The following CRPPA variants were observed in gnomAD, a reference collection of about 807,000 sequenced individuals.
CRPPA encodes the protein CDP-L-ribitol pyrophosphorylase A, also known as D-ribitol-5-phosphate cytidylyltransferase.
Under a neutral mutation model 52.0 loss-of-function variants are expected in CRPPA, and 43 were observed. That is an observed-to-expected ratio of 0.83 (90% CI 0.65 to 1.07). The LOEUF (loss-of-function observed/expected upper bound fraction) is 1.07. CRPPA is among the 50% of genes least tolerant of loss of function. The pLI, the probability that CRPPA is intolerant of heterozygous loss-of-function variation, is 0.00. For synonymous variants in CRPPA, 250 were observed against 203.5 expected (o/e 1.23, Z -1.94); for missense variants, 629 against 551.7 (o/e 1.14, Z -1.40).
In CRPPA at chr7:16,258,919, C is replaced by G; in HGVS notation, c.1026+1G>C. ...GCCTTCAATCATTTGAATTGACTTA[C>G]ATTCACACAAACAAAATTGTAGCAT... On this transcript the variant is annotated splice_donor_variant, in intron 7 of 9. Transcript: ENST00000407010. LOFTEE classifies it high-confidence loss of function. 2 of 1,600,956 alleles carry G rather than the reference C, an allele frequency of 1.2e-6. No homozygotes were observed. The highest frequency in any genetic ancestry group is 1.7e-6 in the Non-Finnish European group (2 of 1,171,080).
intron 1 of CRPPA, among the ~76,000 whole-genome samples, chr7:16,417,562 TCTC>T (rs1429601621): frequency 2.6e-5 from 4 of 152,058 alleles, no homozygotes; most frequent in African/African-American, 9.7e-5. Context: ...TACCACAAGT[TCTC>T]CTAAGACGGA....
intron 9 of CRPPA, among the ~76,000 whole-genome samples, chr7:16,092,357 G>C (rs1781854511): frequency 6.6e-6 from 1 of 152,194 alleles, no homozygotes; most frequent in South Asian, 2.1e-4. Context: ...AGATTATAAT[G>C]TGAAGGGAAA....
chr7:16,209,560 T>C (rs1388912705), intron 9 of CRPPA, among the ~76,000 whole-genome samples: 3 of 152,140 alleles, frequency 2.0e-5, no homozygotes, highest in Non-Finnish European at 2.9e-5. Flanking sequence ...GCGTGAGCCA[T>C]GGCGCCCAGC....
chr7:16,168,534 AACACACACAC>A lies in CRPPA; in HGVS notation c.1251+47522_1251+47531del, dbSNP rs61189058. ...TGACATAAGACACTGAGTGAAGTAA[AACACACACAC>A]ACACACACACACACACACACACACA... On this transcript the variant is annotated intron_variant, in intron 9 of 9. Transcript: ENST00000407010. Among the ~76,000 whole-genome samples, 592 of 143,208 alleles carry A rather than the reference AACACACACAC, an allele frequency of 4.1e-3. 4 individuals carry two copies. The highest frequency in any genetic ancestry group is 0.014 in the Middle Eastern group (4 of 284). The allele number at this position is 143,208 out of a possible 152,430, so 94.0% of individuals were successfully genotyped here.
chr7:16,358,646 A>C (rs1395254966), intron 3 of CRPPA, among the ~76,000 whole-genome samples: 1 of 152,214 alleles, frequency 6.6e-6, no homozygotes, highest in East Asian at 1.9e-4. Context: ...AGAATACTAT[A>C]AGCAGAAAAC....
In CRPPA at chr7:16,377,685, G is replaced by A. The variant is rs571237756; in HGVS notation, c.535-1444C>T. On this transcript the variant is annotated intron_variant, in intron 2 of 9. Transcript: ENST00000407010. ...CTCTGTAGTACTCAAGCCGTGACCC[G>A]TTTCTTCTTCTATACTCCAGCCAGC... Among the ~76,000 whole-genome samples, 5 of 152,230 alleles carry A rather than the reference G, an allele frequency of 3.3e-5. No homozygotes were observed. In the South Asian group the frequency reaches 6.2e-4, roughly 19 times the overall value.
chr7:16,129,154 C>T (rs1299340137), intron 9 of CRPPA, among the ~76,000 whole-genome samples: 2 of 152,116 alleles, frequency 1.3e-5, no homozygotes, highest in East Asian at 3.9e-4. Context: ...CTCTCCCTTT[C>T]TCTCATCTAA....
At chr7:16,176,635 TCTCA>T (rs1417992095) in intron 9 of CRPPA, among the ~76,000 whole-genome samples, 2 of 152,142 alleles carry the variant, frequency 1.3e-5, no homozygotes, top group East Asian at 3.9e-4. Flanking sequence ...AGAGATGGGT[TCTCA>T]CTATGTTGTT....
chr7:16,359,659 G>A (rs908940669), intron 3 of CRPPA, among the ~76,000 whole-genome samples: 2 of 152,142 alleles, frequency 1.3e-5, no homozygotes, highest in Non-Finnish European at 2.9e-5. Flanking sequence ...AGGAGAGGGA[G>A]CCTCCCTTGC....
At chr7:16,254,887 A>G (rs538534772) in intron 8 of CRPPA, among the ~76,000 whole-genome samples, 1 of 152,074 alleles carries the variant, frequency 6.6e-6, no homozygotes, top group South Asian at 2.1e-4. Context: ...GCACAAGATA[A>G]GGATGCCCCC....
intron 3 of CRPPA, among the ~76,000 whole-genome samples, chr7:16,350,112 T>TA (rs201005576): frequency 5.3e-4 from 79 of 148,580 alleles, no homozygotes; most frequent in Middle Eastern, 6.9e-3. Context: ...TTCAAGAACT[T>TA]AAAAAAAAAA....
intron 2 of CRPPA, among the ~76,000 whole-genome samples, chr7:16,404,834 G>A (rs1157907884): frequency 6.6e-6 from 1 of 151,966 alleles, no homozygotes; most frequent in Non-Finnish European, 1.5e-5. Context: ...AGGAGTCAAG[G>A]GGGAAGCACA....
chr7:16,088,626 G>A lies in CRPPA; in HGVS notation c.*3069C>T, dbSNP rs1426076705. 2 of 152,806 alleles carry A rather than the reference G, an allele frequency of 1.3e-5. No homozygotes were observed. The highest frequency in any genetic ancestry group is 2.9e-5 in the Non-Finnish European group (2 of 68,554). 9.5% of individuals were successfully genotyped at this position (152,806 alleles called of 1,614,324 possible). A position where few individuals can be genotyped will look rare whatever the true frequency, so the allele number is the denominator to read the frequency against. On this transcript the variant is annotated 3_prime_UTR_variant, in exon 10 of 10. Coordinates refer to ENST00000407010, the MANE Select transcript of CRPPA (RefSeq NM_001101426.4). ...CTAGAGACGGGGTTTCACCGCATTA[G>A]CCAGGATGGTCTGGATCTCCTGACC...
At chr7:16,178,502 T>C (rs528389983) in intron 9 of CRPPA, among the ~76,000 whole-genome samples, 1 of 152,268 alleles carries the variant, frequency 6.6e-6, no homozygotes, top group South Asian at 2.1e-4. Flanking sequence ...ATAAACCATG[T>C]TGGTTCAGTT....
intron 6 of CRPPA, among the ~76,000 whole-genome samples, chr7:16,272,910 A>G (rs1784120687): frequency 6.6e-6 from 1 of 151,526 alleles, no homozygotes; most frequent in Non-Finnish European, 1.5e-5. Context: ...TTTTTTTTCC[A>G]TTTATATATC....
intron 9 of CRPPA, among the ~76,000 whole-genome samples, chr7:16,191,477 T>C (rs1044177719): frequency 2.6e-5 from 4 of 152,138 alleles, no homozygotes; most frequent in East Asian, 1.9e-4. Context: ...GTGTGGCTCA[T>C]GGTGTAGGAA....
chr7:16,398,794 G>A (rs1463473495), intron 2 of CRPPA, among the ~76,000 whole-genome samples: 1 of 152,198 alleles, frequency 6.6e-6, no homozygotes, highest in African/African-American at 2.4e-5. Context: ...ACTGACACGT[G>A]ATTAACATGA....
At chr7:16,349,498 T>G (rs201083913) in intron 3 of CRPPA, among the ~76,000 whole-genome samples, 5 of 152,182 alleles carry the variant, frequency 3.3e-5, no homozygotes, top group Admixed American at 1.3e-4. Context: ...TGACAGGGAA[T>G]TTAGAACAAT....
chr7:16,117,775 C>A (rs1782406065), intron 9 of CRPPA, among the ~76,000 whole-genome samples: 1 of 152,182 alleles, frequency 6.6e-6, no homozygotes, highest in East Asian at 1.9e-4. Flanking sequence ...CGTGTTTGAC[C>A]AGAATCCATT....
Sources: gnomAD v4.1 joint callset for allele counts (sites outside exome capture counted in the v4.1 genomes callset) on GRCh38, gnomAD v4.1.1 for gene constraint, MANE v1.5 for transcripts, NCBI Gene and HGNC (gene_info 2026-07-23, HGNC 2026-07-21) for gene names.